RGS7: variants seen among roughly 807,000 people sequenced by gnomAD.
RGS7 encodes regulator of G-protein signaling 7.
A neutral mutation model predicts 81.1 loss-of-function variants in RGS7; 27 were observed. The observed-to-expected ratio is 0.33, with a 90% confidence interval of 0.25 to 0.46. The LOEUF is 0.46. Among genes scored for constraint, RGS7 ranks in the 20% least tolerant of loss-of-function variants. The pLI is 1.00. For missense variants in RGS7, 396 were observed against 607.4 expected, an observed-to-expected ratio of 0.65 and a Z score of 3.66; for synonymous variants, 208 against 207.7, an observed-to-expected ratio of 1.00 and a Z score of -0.01.
chr1:241,125,847 T>C (rs776773142), intron 2 of RGS7, among the ~76,000 whole-genome samples: 13 of 152,168 alleles, frequency 8.5e-5, no homozygotes, highest in Non-Finnish European at 1.6e-4. Context: ...TTATTTCCTC[T>C]TAGGAACTGA....
intron 2 of RGS7, among the ~76,000 whole-genome samples, chr1:241,130,366 C>T (rs1481913623): frequency 2.0e-5 from 3 of 151,320 alleles, no homozygotes; most frequent in African/African-American, 7.3e-5. Context: ...ACACTAGGCT[C>T]TGAACCAATG....
In RGS7 at chr1:241,330,889, T is replaced by C. The variant is rs1220744841; in HGVS notation, c.78+24810A>G. ...AAGTCCAAACCACAGCATTATGCAATATACTCATGTAACAAACCTGCACAC... is the reference window on the plus strand; with the variant it reads ...AAGTCCAAACCACAGCATTATGCAACATACTCATGTAACAAACCTGCACAC... On this transcript the variant is annotated intron_variant, in intron 2 of 18. Coordinates refer to ENST00000440928, the MANE Select transcript of RGS7 (RefSeq NM_001364886.1). 3.3e-5 allele frequency among the ~76,000 whole-genome samples: 5 copies of C among 152,226 alleles called. No individual in the cohort carries two copies. The East Asian group carries it at 9.6e-4, about 29-fold the overall frequency.
intron 3 of RGS7, among the ~76,000 whole-genome samples, chr1:241,036,637 C>T (rs943615237): frequency 1.3e-5 from 2 of 152,186 alleles, no homozygotes; most frequent in African/African-American, 4.8e-5. Flanking sequence ...TGTTAAATTA[C>T]ATGATAAGTA....
chr1:241,086,618 C>T (rs1035139854), intron 3 of RGS7, among the ~76,000 whole-genome samples: 1 of 152,096 alleles, frequency 6.6e-6, no homozygotes, highest in South Asian at 2.1e-4. Flanking sequence ...CATTTCCCCC[C>T]ACCCAGAGGA....
chr1:240,856,909 A>G (rs1343252297), intron 9 of RGS7, among the ~76,000 whole-genome samples: 1 of 152,214 alleles, frequency 6.6e-6, no homozygotes, highest in Non-Finnish European at 1.5e-5. Context: ...GATCATGTCA[A>G]GAATGAATCT....
At chr1:241,099,151 C>A (rs767933002) in intron 2 of RGS7, among the ~76,000 whole-genome samples, 3 of 152,144 alleles carry the variant, frequency 2.0e-5, no homozygotes, top group Admixed American at 6.5e-5. Context: ...GCAAGTAGAG[C>A]CTTAAAAGCA....
chr1:241,283,679 A>G (rs1558271875), intron 2 of RGS7, among the ~76,000 whole-genome samples: 1 of 151,898 alleles, frequency 6.6e-6, no homozygotes, highest in Non-Finnish European at 1.5e-5. Context: ...AAATTCGTGA[A>G]TTTTTCAGTC....
chr1:241,026,814 G>T (rs376600593), intron 3 of RGS7, among the ~76,000 whole-genome samples: 1 of 139,026 alleles, frequency 7.2e-6, no homozygotes, highest in Non-Finnish European at 1.7e-5. Flanking sequence ...CTTGGTGAGC[G>T]GGGTTTGGGG....
intron 3 of RGS7, among the ~76,000 whole-genome samples, chr1:241,041,509 T>C (rs2060615320): frequency 6.6e-6 from 1 of 152,142 alleles, no homozygotes; most frequent in South Asian, 2.1e-4. Context: ...TGTGGCCCTG[T>C]CTCTACCTTG....
chr1:241,309,143 T>C (rs1478144329), intron 2 of RGS7, among the ~76,000 whole-genome samples: 1 of 151,936 alleles, frequency 6.6e-6, no homozygotes, highest in Non-Finnish European at 1.5e-5. Flanking sequence ...TCCCAGCACT[T>C]TGGGAGGCCG....
At chr1:241,037,028 T>A (rs1378702895) in intron 3 of RGS7, among the ~76,000 whole-genome samples, 3 of 152,180 alleles carry the variant, frequency 2.0e-5, no homozygotes, top group Admixed American at 6.5e-5. Flanking sequence ...AGACTTTATA[T>A]GAGTAAGAAA....
At chr1:241,030,493 T>TACACACACAC (rs10649050) in intron 3 of RGS7, among the ~76,000 whole-genome samples, 22,825 of 139,668 alleles carry the variant, frequency 0.16, 2,175 homozygotes, top group Non-Finnish European at 0.22. Context: ...TATATAGATG[T>TACACACACAC]ACACACACAC....
In RGS7 at chr1:241,144,147, CAT is replaced by C. The variant is rs201027327; in HGVS notation, c.79-45387_79-45386del. 2.8e-3 allele frequency among the ~76,000 whole-genome samples: 415 copies of C among 149,678 alleles called. 1 individual carries two copies. The highest frequency in any genetic ancestry group is 9.0e-3 in the African/African-American group (367 of 40,970). On this transcript the variant is annotated intron_variant, in intron 2 of 18. Coordinates refer to ENST00000440928, the MANE Select transcript of RGS7 (RefSeq NM_001364886.1). The surrounding 1 kb of genome is among the most constrained non-coding windows in gnomAD (Gnocchi z 4.7). ...AATCTAGCTTTTCTAGTTTGTTCTT[CAT>C]ATATATATATATATGAGCATTTTCA...
At chr1:241,292,052 T>C (rs1378685940) in intron 2 of RGS7, among the ~76,000 whole-genome samples, 1 of 152,084 alleles carries the variant, frequency 6.6e-6, no homozygotes, top group Non-Finnish European at 1.5e-5. Context: ...AGGGTCCAGA[T>C]CATCCATATC....
chr1:240,913,725 T>C (rs1336887624), intron 6 of RGS7, among the ~76,000 whole-genome samples: 1 of 152,174 alleles, frequency 6.6e-6, no homozygotes, highest in Non-Finnish European at 1.5e-5. Flanking sequence ...AATCAGTGGA[T>C]ATTTTTAATG....
At chr1:240,788,897 G>A (rs1685500640) in intron 18 of RGS7, among the ~76,000 whole-genome samples, 2 of 152,240 alleles carry the variant, frequency 1.3e-5, no homozygotes, top group South Asian at 4.2e-4. Flanking sequence ...CAGCACTTTG[G>A]GAGGCCAAGG....
At chr1:241,218,504 G>A (rs947136226) in intron 2 of RGS7, among the ~76,000 whole-genome samples, 4 of 152,146 alleles carry the variant, frequency 2.6e-5, no homozygotes, top group African/African-American at 7.2e-5. Context: ...GGGTTCACTC[G>A]GAGAAATGGC....
intron 2 of RGS7, among the ~76,000 whole-genome samples, chr1:241,327,036 A>AAGGAAGGAAGGAAGGG (rs1416114110): frequency 6.4e-4 from 4 of 6,216 alleles, no homozygotes; most frequent in African/African-American, 2.0e-3. Flanking sequence ...GGAAGGAAGG[A>AAGGAAGGAAGGAAGGG]AGGGAGGGAG....
chr1:241,108,047 C>A (rs886202055), intron 2 of RGS7, among the ~76,000 whole-genome samples: 5 of 152,102 alleles, frequency 3.3e-5, no homozygotes, highest in Admixed American at 2.6e-4. Flanking sequence ...GTAATCCCAG[C>A]ACTTTGGGAT....
Sources: gnomAD v4.1 joint callset for allele counts (sites outside exome capture counted in the v4.1 genomes callset) on GRCh38, gnomAD v4.1.1 for gene constraint, Gnocchi (gnomAD v3.1) non-coding constraint, MANE v1.5 for transcripts, NCBI Gene and HGNC (gene_info 2026-07-23, HGNC 2026-07-21) for gene names.